The following POP1 variants were observed in gnomAD, a reference collection of about 807,000 sequenced individuals.
The protein encoded by POP1 is POP1 ribonuclease P/MRP subunit, also known as ribonucleases P/MRP protein subunit POP1.
A neutral mutation model predicts 102.2 loss-of-function variants in POP1; 75 were observed. The ratio of observed to expected loss-of-function variants is 0.73; its 90% CI spans 0.61 to 0.89. POP1 has a LOEUF of 0.89. Ranked by LOEUF, POP1 falls within the 40% of genes least tolerant of loss-of-function variation. POP1 has a pLI of 0.00. For missense variants in POP1, 1,116 were observed against 1,267.4 expected (o/e 0.88, Z 1.81); for synonymous variants, 436 against 464.1 (o/e 0.94, Z 0.78).
chr8:98,133,779 C>G (rs1035597390), intron 5 of POP1, among the ~76,000 whole-genome samples, 170 bp from the exon 6 acceptor site: 1 of 152,166 alleles, frequency 6.6e-6, no homozygotes, highest in Non-Finnish European at 1.5e-5. Flanking sequence ...ATTTTTTCCA[C>G]TAAACCATCG....
At chr8:98,133,643 A>G (rs1232770538) in intron 5 of POP1, among the ~76,000 whole-genome samples, 1 of 152,242 alleles carries the variant, frequency 6.6e-6, no homozygotes, top group Non-Finnish European at 1.5e-5. Flanking sequence ...TGAATATGGG[A>G]TAAAACATAG....
chr8:98,144,723 G>A (rs998290609), intron 11 of POP1, among the ~76,000 whole-genome samples: 1 of 152,158 alleles, frequency 6.6e-6, no homozygotes, highest in African/African-American at 2.4e-5. Flanking sequence ...GTGCTCCACA[G>A]GAAAGCACTC....
chr8:98,130,620 AGAGAAG>A (rs2130591374), intron 5 of POP1, among the ~76,000 whole-genome samples: 1 of 152,356 alleles, frequency 6.6e-6, no homozygotes, highest in African/African-American at 2.4e-5. Context: ...ACAGAGAAGA[AGAGAAG>A]GAGAACAAGG....
At chr8:98,122,049 G>A (rs1209265388) in intron 1 of POP1, among the ~76,000 whole-genome samples, 1 of 151,564 alleles carries the variant, frequency 6.6e-6, no homozygotes, top group African/African-American at 2.4e-5. Flanking sequence ...GGTTGGTCTC[G>A]GACTCCTGAC....
At chr8:98,132,942 G>C (rs1816423052) in intron 5 of POP1, among the ~76,000 whole-genome samples, 1 of 144,196 alleles carries the variant, frequency 6.9e-6, no homozygotes, top group African/African-American at 2.6e-5. Flanking sequence ...TCTGGGTGTG[G>C]TGGCTCGTGC....
chr8:98,120,282 T>C (rs1417808680), intron 1 of POP1, among the ~76,000 whole-genome samples: 1 of 152,246 alleles, frequency 6.6e-6, no homozygotes. Context: ...CATGTAGATA[T>C]AGCTGTCTTT....
chr8:98,146,865 A>T (rs1276377789), intron 12 of POP1, among the ~76,000 whole-genome samples, 182 bp downstream of exon 12: 2 of 152,204 alleles, frequency 1.3e-5, no homozygotes, highest in African/African-American at 4.8e-5. Flanking sequence ...CTTATGGATA[A>T]TCTAAGAATA....
chr8:98,134,044 T>A lies in POP1; in HGVS notation c.823+8T>A. 6.3e-7 allele frequency: 1 copy of A among 1,582,882 alleles called. No homozygotes were observed. Among genetic ancestry groups the A allele is most frequent in the Non-Finnish European group, 8.7e-7 (1 of 1,151,606 alleles). ...TGTGTAACATAGACACAGGTAAACT[T>A]GTTTTAAAGCTGAGTTCTATTTTAG... is the stretch of plus-strand genomic sequence containing the variant. On this transcript the variant is annotated splice_region_variant and intron_variant, in intron 6 of 15. Transcript: ENST00000401707.
chr8:98,158,068 C>T lies in POP1; in HGVS notation c.2872C>T (p.His958Tyr). The change falls in exon 16 of 16, where the codon CAC becomes TAC. Residue 958 changes from histidine to tyrosine, a missense_variant. Transcript: ENST00000401707. ...WSGPLPRVTL[H>Y]CSRTLLGFVT... is the part of the protein sequence containing the mutation. ...AGGCCCTCTGCCGCGTGTGACGTTGCACTGCTCCAGAACTCTCCTAGGCTT... is the reference window on the plus strand; with the variant it reads ...AGGCCCTCTGCCGCGTGTGACGTTGTACTGCTCCAGAACTCTCCTAGGCTT... The T allele has an allele frequency of 2.5e-6, 4 of 1,609,400 alleles. No individual in the cohort carries two copies. Among genetic ancestry groups the T allele is most frequent in the South Asian group, 2.2e-5 (2 of 91,060 alleles).
At chr8:98,122,103 A>G (rs561715818) in intron 1 of POP1, among the ~76,000 whole-genome samples, 3 of 152,294 alleles carry the variant, frequency 2.0e-5, no homozygotes, top group African/African-American at 7.2e-5. Flanking sequence ...TGCTGTGATT[A>G]TAGGCATGAG....
At chr8:98,124,542 CAG>C (rs1210321729) in intron 2 of POP1, among the ~76,000 whole-genome samples, 2 of 149,534 alleles carry the variant, frequency 1.3e-5, no homozygotes, top group East Asian at 3.9e-4. Context: ...GCCTGGGTGA[CAG>C]TGAGACTGTC....
intron 6 of POP1, among the ~76,000 whole-genome samples, 185 bp from the exon 7 acceptor site, chr8:98,134,287 C>G (rs1319417156): frequency 2.0e-5 from 3 of 152,164 alleles, no homozygotes; most frequent in Admixed American, 2.0e-4. Context: ...ACTTGAAGCT[C>G]TCATTACTCA....
rs1360311039 is a variant in POP1 at position 98,134,612 on chromosome 8, T to G, written c.964T>G (p.Ser322Ala). 6.2e-7 allele frequency: 1 copy of G among 1,614,016 alleles called. No individual in the cohort carries two copies. The highest frequency in any genetic ancestry group is 8.5e-7 in the Non-Finnish European group (1 of 1,179,968). ...WKSQRTPGDP[S>A]ESRQLWIWLH... ...GTCCCAGAGGACCCCGGGTGACCCTTCTGAGAGCAGGCAGCTGTGGATCTG... is the reference window on the plus strand; with the variant it reads ...GTCCCAGAGGACCCCGGGTGACCCTGCTGAGAGCAGGCAGCTGTGGATCTG... Residue 322 changes from serine to alanine, a missense_variant, in exon 7 of 16, where the codon TCT becomes GCT. Ser to Ala is a moderately conservative substitution (Grantham distance 99, BLOSUM62 1). Transcript: ENST00000401707.
chr8:98,146,160 G>A (rs191962875), intron 11 of POP1, among the ~76,000 whole-genome samples: 39 of 152,076 alleles, frequency 2.6e-4, no homozygotes, highest in Middle Eastern at 3.4e-3. Flanking sequence ...TAAACTCCTG[G>A]GCTTAAGTCA....
Position 98,134,663 on chromosome 8 carries a change from T to G in POP1, c.1011+4T>G. The G allele has an allele frequency of 3.7e-6, 6 of 1,606,686 alleles. No individual in the cohort carries two copies. The highest frequency in any genetic ancestry group is 5.1e-6 in the Non-Finnish European group (6 of 1,173,242). ...GCTGCATCCAACCCTTAAACAGGTATAATCCTTCAGGTTATCTCCCGTCAT... is the reference window on the plus strand; with the variant it reads ...GCTGCATCCAACCCTTAAACAGGTAGAATCCTTCAGGTTATCTCCCGTCAT... On this transcript the variant is annotated splice_donor_region_variant and intron_variant, in intron 7 of 15. Coordinates refer to ENST00000401707, the MANE Select transcript of POP1 (RefSeq NM_001145860.2).
intron 1 of POP1, 41 bp downstream of exon 1, chr8:98,117,431 C>T (rs1014383166): frequency 1.9e-5 from 6 of 321,238 alleles, no homozygotes; most frequent in African/African-American, 2.1e-5. Flanking sequence ...ATGCGAGTGT[C>T]GGGGGAACTG....
In POP1 at chr8:98,129,937, T is replaced by C. The variant is rs765214511; in HGVS notation, c.487-41T>C. 4 of 1,609,246 alleles carry C rather than the reference T, an allele frequency of 2.5e-6. No homozygotes were observed. The Admixed American group carries it at 6.7e-5, about 27-fold the overall frequency. ...CCTGACCGTTAACTCTGTTTTGAGA[T>C]TCTTACAAACTGGGATATGTCCCTC... is the stretch of plus-strand genomic sequence containing the variant. On this transcript the variant is annotated intron_variant, in intron 4 of 15. Coordinates refer to ENST00000401707, the MANE Select transcript of POP1 (RefSeq NM_001145860.2).
intron 14 of POP1, among the ~76,000 whole-genome samples, chr8:98,155,519 G>A (rs986279664): frequency 7.2e-5 from 11 of 152,054 alleles, no homozygotes; most frequent in Admixed American, 1.3e-4. Context: ...CTGACGTGAC[G>A]TGATCCATCC....
chr8:98,133,125 G>C (rs893209823), intron 5 of POP1, among the ~76,000 whole-genome samples: 1 of 151,992 alleles, frequency 6.6e-6, no homozygotes, highest in Non-Finnish European at 1.5e-5. Context: ...GCTGAGGCAG[G>C]AGGATTGCTT....
Sources: allele counts gnomAD v4.1 joint callset (sites outside exome capture counted in the v4.1 genomes callset), GRCh38; gene constraint gnomAD v4.1.1; transcripts MANE v1.5; gene names NCBI Gene and HGNC (gene_info 2026-07-23, HGNC 2026-07-21).